The following WWOX variants were observed in gnomAD, a reference collection of about 807,000 sequenced individuals.
WWOX encodes the protein WW domain containing oxidoreductase.
In WWOX, 69 loss-of-function variants were observed where a neutral mutation model predicts 46.2. That is an observed-to-expected ratio of 1.49 (90% CI 1.23 to 1.82). The LOEUF (loss-of-function observed/expected upper bound fraction) is 1.82, where lower values mean the gene tolerates loss of function less well. Among genes scored for constraint, WWOX ranks in the 40% most tolerant of loss-of-function variants. The probability of loss-of-function intolerance (pLI) is 0.00; values close to 1 mark genes in which losing one functional copy is unlikely to be tolerated. For missense variants in WWOX, 919 were observed against 542.6 expected (o/e 1.69, Z -6.89); for synonymous variants, 359 against 202.6 (o/e 1.77, Z -6.56).
At chr16:78,593,748 G>C (rs1340467951) in intron 8 of WWOX, among the ~76,000 whole-genome samples, 1 of 151,394 alleles carries the variant, frequency 6.6e-6, no homozygotes, top group Non-Finnish European at 1.5e-5. Context: ...GAGAGAGAGA[G>C]AGAGAGAGAC....
chr16:79,049,981 A>T (rs925924609), intron 8 of WWOX, among the ~76,000 whole-genome samples: 1 of 152,102 alleles, frequency 6.6e-6, no homozygotes, highest in Non-Finnish European at 1.5e-5. Flanking sequence ...TCATGCTTGT[A>T]CCTGAGGGAA....
chr16:78,689,077 A>AGG (rs2047927776), intron 8 of WWOX, among the ~76,000 whole-genome samples: 1 of 151,668 alleles, frequency 6.6e-6, no homozygotes, highest in African/African-American at 2.4e-5. Context: ...AGGCTTGCAT[A>AGG]TGTCTTTATT....
At chr16:78,149,917 A>C (rs8048266) in intron 4 of WWOX, among the ~76,000 whole-genome samples, 60,466 of 151,860 alleles carry the variant, frequency 0.4, 12,138 homozygotes, top group African/African-American at 0.44. Context: ...TTCCCATGAC[A>C]AATGTGTGGA....
chr16:79,198,954 A>G (rs2051293638), intron 8 of WWOX, among the ~76,000 whole-genome samples: 1 of 152,120 alleles, frequency 6.6e-6, no homozygotes, highest in Non-Finnish European at 1.5e-5. Flanking sequence ...GCAGTTGTTG[A>G]GACTGGGTGT....
intron 8 of WWOX, among the ~76,000 whole-genome samples, chr16:78,547,202 G>C (rs181025028): frequency 6.7e-6 from 1 of 148,530 alleles, no homozygotes; most frequent in East Asian, 2.0e-4. Context: ...TTCAACCCAC[G>C]GGGATAGGGT....
At chr16:78,279,772 A>T (rs1055008331) in intron 5 of WWOX, among the ~76,000 whole-genome samples, 1 of 152,226 alleles carries the variant, frequency 6.6e-6, no homozygotes, top group Non-Finnish European at 1.5e-5. Context: ...GATACCCTTT[A>T]ATCTTCGCAA....
At chr16:78,374,083 G>T (rs1019044571) in intron 5 of WWOX, among the ~76,000 whole-genome samples, 1 of 152,178 alleles carries the variant, frequency 6.6e-6, no homozygotes, top group Non-Finnish European at 1.5e-5. Context: ...CATTATGCCT[G>T]GCCACCAGGC....
intron 8 of WWOX, among the ~76,000 whole-genome samples, chr16:78,988,831 C>T (rs931952677): frequency 3.9e-5 from 6 of 152,184 alleles, no homozygotes; most frequent in African/African-American, 1.2e-4. Flanking sequence ...TTGTGTGCAT[C>T]CCTGGGGCCA....
At chr16:78,488,917 C>T (rs757660538) in intron 8 of WWOX, among the ~76,000 whole-genome samples, 51 of 152,142 alleles carry the variant, frequency 3.4e-4, no homozygotes, top group Non-Finnish European at 7.1e-4. Context: ...TTTGTTCTTT[C>T]TGCCATTTGG....
chr16:78,633,508 T>C (rs1187866644), intron 8 of WWOX, among the ~76,000 whole-genome samples: 1 of 152,204 alleles, frequency 6.6e-6, no homozygotes, highest in African/African-American at 2.4e-5. Flanking sequence ...GTCCTGCCCG[T>C]GTTCTCTAGC....
chr16:78,782,777 T>C (rs971579515), intron 8 of WWOX, among the ~76,000 whole-genome samples: 1 of 152,184 alleles, frequency 6.6e-6, no homozygotes, highest in Non-Finnish European at 1.5e-5. Flanking sequence ...TGCTGTATTT[T>C]ATAAATATGT....
intron 5 of WWOX, among the ~76,000 whole-genome samples, chr16:78,326,635 A>C (rs1318029586): frequency 7.3e-6 from 1 of 137,928 alleles, no homozygotes; most frequent in Non-Finnish European, 1.5e-5. Context: ...TTGAAAAAGA[A>C]CATAAAGCAT....
At chr16:79,187,896 C>T (rs1394681998) in intron 8 of WWOX, among the ~76,000 whole-genome samples, 2 of 152,194 alleles carry the variant, frequency 1.3e-5, no homozygotes, top group South Asian at 2.1e-4. Flanking sequence ...ATGAATTCTT[C>T]TGAGCTGTGA....
intron 8 of WWOX, among the ~76,000 whole-genome samples, chr16:78,994,969 C>CT (rs869088414): frequency 0.34 from 38,927 of 114,306 alleles, 7,472 homozygotes; most frequent in Middle Eastern, 0.41. Context: ...TCTTCTTCTT[C>CT]TTTTTTTTTT....
chr16:78,984,241 G>A (rs1023372792), intron 8 of WWOX, among the ~76,000 whole-genome samples: 2 of 152,180 alleles, frequency 1.3e-5, no homozygotes, highest in East Asian at 3.9e-4. Flanking sequence ...ACATACCCCT[G>A]TACATGTTTG....
intron 8 of WWOX, among the ~76,000 whole-genome samples, chr16:78,734,911 GC>G (rs1438685465): frequency 1.6e-5 from 2 of 124,462 alleles, no homozygotes; most frequent in Admixed American, 2.1e-4. Flanking sequence ...TGTTGGCTAG[GC>G]TGGAGTGCAG....
intron 5 of WWOX, chr16:78,278,724 C>G (rs1246875744): frequency 2.8e-6 from 4 of 1,454,472 alleles, no homozygotes; most frequent in East Asian, 2.3e-5. Flanking sequence ...TGGGTATTTC[C>G]TGGTCTTTTC....
At chr16:78,747,721 C>G (rs931517859) in intron 8 of WWOX, among the ~76,000 whole-genome samples, 1 of 152,162 alleles carries the variant, frequency 6.6e-6, no homozygotes, top group African/African-American at 2.4e-5. Flanking sequence ...CCTCTTCTTC[C>G]CTAGAGCGTC....
At chr16:79,200,566 A>G (rs1043734093) in intron 8 of WWOX, among the ~76,000 whole-genome samples, 1 of 152,148 alleles carries the variant, frequency 6.6e-6, no homozygotes. Flanking sequence ...TGTGCGAATC[A>G]GAAGTAATAA....
Sources: gnomAD v4.1 joint callset for allele counts (sites outside exome capture counted in the v4.1 genomes callset) on GRCh38, gnomAD v4.1.1 for gene constraint, MANE v1.5 for transcripts, NCBI Gene and HGNC (gene_info 2026-07-23, HGNC 2026-07-21) for gene names.